Variants in PTPRD observed in about 807,000 individuals in gnomAD.
PTPRD encodes the protein protein tyrosine phosphatase receptor type D, also known as receptor-type tyrosine-protein phosphatase delta.
A neutral mutation model predicts 214.5 loss-of-function variants in PTPRD; 34 were observed. The observed-to-expected ratio is 0.16, with a 90% CI of 0.12 to 0.21. The LOEUF is 0.21. PTPRD is among the 10% of genes least tolerant of loss of function. The probability of loss-of-function intolerance (pLI) is 1.00; values close to 1 mark genes in which losing one functional copy is unlikely to be tolerated. For missense variants in PTPRD, 2,545 were observed against 2,398.7 expected (o/e 1.06, Z -1.27); for synonymous variants, 1,128 against 845.7 (o/e 1.33, Z -5.79).
At chr9:8,387,913 T>A (rs2087781373) in intron 37 of PTPRD, among the ~76,000 whole-genome samples, 1 of 152,224 alleles carries the variant, frequency 6.6e-6, no homozygotes, top group Admixed American at 6.5e-5. Flanking sequence ...GGAGTTACCT[T>A]AAGTACAAAT....
intron 11 of PTPRD, among the ~76,000 whole-genome samples, chr9:8,755,702 C>T (rs928331372): frequency 6.6e-6 from 1 of 152,100 alleles, no homozygotes; most frequent in African/African-American, 2.4e-5. Flanking sequence ...CTTATTAATG[C>T]ATAGTTTGTC....
At chr9:10,426,271 A>G (rs1378217564) in intron 2 of PTPRD, among the ~76,000 whole-genome samples, 1 of 152,036 alleles carries the variant, frequency 6.6e-6, no homozygotes, top group Non-Finnish European at 1.5e-5. Flanking sequence ...GTTTAAGTTA[A>G]TCAATTCTCA....
In PTPRD at chr9:8,722,730, G is replaced by A. The variant is rs2098514586; in HGVS notation, c.64+11050C>T. Among the ~76,000 whole-genome samples, 3 of 152,056 alleles carry A rather than the reference G, an allele frequency of 2.0e-5. 1 individual carries two copies. Among genetic ancestry groups the A allele is most frequent in the South Asian group, 4.1e-4 (2 of 4,824 alleles). On this transcript the variant is annotated intron_variant, in intron 12 of 45. Transcript: ENST00000381196. ...ACAAATGTACCGTCCTTCACTATCT[G>A]CAGCTATGGATATTGATGAAGGAAA... is the stretch of plus-strand genomic sequence containing the variant.
intron 14 of PTPRD, among the ~76,000 whole-genome samples, chr9:8,604,245 A>G (rs1470109674): frequency 6.6e-6 from 1 of 152,236 alleles, no homozygotes; most frequent in Non-Finnish European, 1.5e-5. Flanking sequence ...AGTCGAGGAA[A>G]GAGCAAAGTG....
intron 23 of PTPRD, among the ~76,000 whole-genome samples, chr9:8,502,812 G>A (rs1032247278): frequency 6.7e-6 from 1 of 150,042 alleles, no homozygotes; most frequent in South Asian, 2.1e-4. Context: ...TGTTTGATGT[G>A]CTTATAAAAA....
intron 10 of PTPRD, among the ~76,000 whole-genome samples, chr9:9,043,221 G>T (rs892532653): frequency 2.0e-5 from 3 of 151,990 alleles, no homozygotes; most frequent in African/African-American, 7.3e-5. Flanking sequence ...CTGTGTTGTT[G>T]GAAAACTTAA....
At chr9:10,612,301 T>C (rs759957603) in intron 2 of PTPRD, 97 bp downstream of exon 2, 4 of 150,158 alleles carry the variant, frequency 2.7e-5, no homozygotes, top group Non-Finnish European at 5.9e-5. Flanking sequence ...CCAGGTAAAA[T>C]GAATAAACTG....
intron 7 of PTPRD, among the ~76,000 whole-genome samples, chr9:9,586,022 G>C: frequency 6.6e-6 from 1 of 151,984 alleles, no homozygotes; most frequent in East Asian, 1.9e-4. Flanking sequence ...AAGGAAGTTG[G>C]TAGTCAGTGA....
At chr9:8,967,229 A>C (rs545757831) in intron 11 of PTPRD, among the ~76,000 whole-genome samples, 1 of 152,274 alleles carries the variant, frequency 6.6e-6, no homozygotes, top group South Asian at 2.1e-4. Flanking sequence ...CACTATGGAA[A>C]GCAGTTTGGA....
chr9:8,740,651 A>C (rs1422459934), intron 11 of PTPRD, among the ~76,000 whole-genome samples: 1 of 152,200 alleles, frequency 6.6e-6, no homozygotes, highest in Non-Finnish European at 1.5e-5. Flanking sequence ...TGAAACTTGT[A>C]ACACCTCAAA....
intron 9 of PTPRD, among the ~76,000 whole-genome samples, chr9:9,323,060 G>A (rs574550989): frequency 2.6e-5 from 4 of 151,622 alleles, no homozygotes; most frequent in African/African-American, 7.2e-5. Context: ...AATTTTTTTT[G>A]CAACATTAGG....
chr9:8,838,996 A>G (rs1398745959), intron 11 of PTPRD, among the ~76,000 whole-genome samples: 3 of 152,210 alleles, frequency 2.0e-5, no homozygotes, highest in Non-Finnish European at 4.4e-5. Context: ...AGTAAGACTC[A>G]TAAATGTACC....
chr9:9,250,307 CA>C (rs1364376314), intron 9 of PTPRD, among the ~76,000 whole-genome samples: 1 of 152,060 alleles, frequency 6.6e-6, no homozygotes, highest in Admixed American at 6.6e-5. Flanking sequence ...AGGGCAAAAA[CA>C]TCTCATCTGT....
At chr9:10,150,934 ATTACT>A (rs2154277662) in intron 3 of PTPRD, among the ~76,000 whole-genome samples, 1 of 152,086 alleles carries the variant, frequency 6.6e-6, no homozygotes, top group African/African-American at 2.4e-5. Flanking sequence ...ACAGGAAATG[ATTACT>A]TTAAAAGCTT....
chr9:8,366,542 TG>T (rs2079927354), intron 39 of PTPRD, among the ~76,000 whole-genome samples: 1 of 152,222 alleles, frequency 6.6e-6, no homozygotes, highest in Admixed American at 6.5e-5. Context: ...GGTAAATTTC[TG>T]TGATTTAAAA....
chr9:10,035,443 C>T (rs531813835), intron 3 of PTPRD, among the ~76,000 whole-genome samples: 59 of 152,168 alleles, frequency 3.9e-4, no homozygotes, highest in Non-Finnish European at 7.4e-5. Flanking sequence ...TTAATTTGAT[C>T]TCATCTGTTG....
At chr9:10,491,449 TATAAAGAATC>T (rs1171114392) in intron 2 of PTPRD, among the ~76,000 whole-genome samples, 1 of 152,124 alleles carries the variant, frequency 6.6e-6, no homozygotes, top group Non-Finnish European at 1.5e-5. Flanking sequence ...TAATAGCAAT[TATAAAGAATC>T]ACGAAGTAAA....
At chr9:8,442,312 G>T (rs2095573862) in intron 34 of PTPRD, among the ~76,000 whole-genome samples, 2 of 151,786 alleles carry the variant, frequency 1.3e-5, no homozygotes, top group Non-Finnish European at 2.9e-5. Flanking sequence ...ATTATCCATA[G>T]AAAAATATTT....
At chr9:8,971,249 C>A (rs899393351) in intron 11 of PTPRD, among the ~76,000 whole-genome samples, 1 of 151,656 alleles carries the variant, frequency 6.6e-6, no homozygotes. Flanking sequence ...GAATTTATGT[C>A]TTTACTGAAT....
Sources: gnomAD v4.1 joint callset for allele counts (sites outside exome capture counted in the v4.1 genomes callset) on GRCh38, gnomAD v4.1.1 for gene constraint, MANE v1.5 for transcripts, NCBI Gene and HGNC (gene_info 2026-07-23, HGNC 2026-07-21) for gene names.